CCSER1: variants seen among roughly 807,000 people sequenced by gnomAD.
CCSER1 encodes serine-rich coiled-coil domain-containing protein 1.
CCSER1 carries 41 observed loss-of-function variants against 82.0 expected under a neutral mutation model. The ratio of observed to expected loss-of-function variants is 0.50; its 90% CI spans 0.39 to 0.65. The LOEUF is 0.65. CCSER1 is among the 30% of genes least tolerant of loss of function. The probability of loss-of-function intolerance (pLI) is 0.00; values close to 1 mark genes in which losing one functional copy is unlikely to be tolerated. For synonymous variants in CCSER1, 414 were observed against 383.9 expected, an observed-to-expected ratio of 1.08 and a Z score of -0.92; for missense variants, 1,119 against 1,064.2, an observed-to-expected ratio of 1.05 and a Z score of -0.72.
intron 1 of CCSER1, among the ~76,000 whole-genome samples, chr4:90,153,728 G>A (rs936793231): frequency 6.6e-6 from 1 of 151,806 alleles, no homozygotes; most frequent in African/African-American, 2.4e-5. Context: ...CTTTTTGATG[G>A]GTTTATTTTT....
chr4:90,968,930 GA>G (rs1734826639), intron 9 of CCSER1, among the ~76,000 whole-genome samples: 4 of 151,352 alleles, frequency 2.6e-5, no homozygotes, highest in Non-Finnish European at 1.5e-5. Context: ...ACAAAAAGAA[GA>G]AAAACAATAT....
intron 8 of CCSER1, among the ~76,000 whole-genome samples, chr4:90,865,020 T>G (rs140455750): frequency 3.9e-3 from 598 of 152,152 alleles, no homozygotes; most frequent in Non-Finnish European, 6.3e-3. Flanking sequence ...ATAAGACCCT[T>G]AGGTTTTTGT....
intron 10 of CCSER1, among the ~76,000 whole-genome samples, chr4:91,244,721 G>A (rs1327206512): frequency 6.6e-6 from 1 of 152,110 alleles, no homozygotes; most frequent in African/African-American, 2.4e-5. Flanking sequence ...TCAATGCCCA[G>A]ATACCAATGA....
chr4:91,558,102 ATAAAAAAAATATATT>A (rs1309191756), intron 10 of CCSER1, among the ~76,000 whole-genome samples: 1 of 77,068 alleles, frequency 1.3e-5, no homozygotes, highest in Non-Finnish European at 2.5e-5. Flanking sequence ...TTACCTTTTA[ATAAAAAAAATATATT>A]TCATTATTTT....
Position 91,594,976 on chromosome 4 carries a change from A to AT in CCSER1, c.2218-3591dup, listed in dbSNP as rs200472616. Among the ~76,000 whole-genome samples, 369 of 152,062 alleles carry AT rather than the reference A, an allele frequency of 2.4e-3. 6 individuals are homozygous for AT. The East Asian group carries it at 0.051, about 21-fold the overall frequency. ...ATACACTTTCAAGACTGAAGTCTTAATTTTTCCTGTTGCTGAGAGTGTTGG... is the reference window on the plus strand; with the variant it reads ...ATACACTTTCAAGACTGAAGTCTTAATTTTTTCCTGTTGCTGAGAGTGTTGG... On this transcript the variant is annotated intron_variant, in intron 10 of 10. Coordinates refer to ENST00000509176, the MANE Select transcript of CCSER1 (RefSeq NM_001145065.2).
intron 5 of CCSER1, among the ~76,000 whole-genome samples, chr4:90,602,539 A>G (rs1038900129): frequency 3.9e-5 from 6 of 152,260 alleles, no homozygotes; most frequent in African/African-American, 7.2e-5. Context: ...TAATGTGTGC[A>G]TGGTATTCTG....
chr4:90,840,626 A>C (rs551206329), intron 8 of CCSER1, among the ~76,000 whole-genome samples: 1 of 152,364 alleles, frequency 6.6e-6, no homozygotes, highest in Admixed American at 6.5e-5. Context: ...AAAATGTTTC[A>C]TAGTTCATAT....
At position 91,030,607 on chromosome 4, in the gene CCSER1, G is replaced by A. The variant is rs956822404; in HGVS notation, c.2173-55343G>A. 2.8e-4 allele frequency among the ~76,000 whole-genome samples: 43 copies of A among 152,028 alleles called. 1 individual carries two copies. Among genetic ancestry groups the A allele is most frequent in the Non-Finnish European group, 1.8e-4 (12 of 68,004 alleles). ...GACCTTTTCAATCTATGATGAAAAAGGGAACAGGAGTTTGGTAAACTAAAA... is the reference window on the plus strand; with the variant it reads ...GACCTTTTCAATCTATGATGAAAAAAGGAACAGGAGTTTGGTAAACTAAAA... On this transcript the variant is annotated intron_variant, in intron 9 of 10. Coordinates refer to ENST00000509176, the MANE Select transcript of CCSER1 (RefSeq NM_001145065.2).
chr4:91,149,850 G>T (rs1339577512), intron 10 of CCSER1, among the ~76,000 whole-genome samples: 3 of 152,062 alleles, frequency 2.0e-5, no homozygotes, highest in Non-Finnish European at 2.9e-5. Flanking sequence ...CTCTGTTTTG[G>T]TACCAGTACC....
At chr4:90,813,902 C>T (rs1313280319) in intron 7 of CCSER1, among the ~76,000 whole-genome samples, 1 of 152,100 alleles carries the variant, frequency 6.6e-6, no homozygotes, top group Admixed American at 6.5e-5. Flanking sequence ...TAAGCAGTGC[C>T]CCAGTGGGGA....
chr4:90,952,471 A>T (rs1246578599), intron 9 of CCSER1, among the ~76,000 whole-genome samples: 1 of 152,062 alleles, frequency 6.6e-6, no homozygotes, highest in African/African-American at 2.4e-5. Context: ...CACCAGGTTA[A>T]TATTGCCAAG....
At chr4:91,340,561 T>C (rs1302855002) in intron 10 of CCSER1, among the ~76,000 whole-genome samples, 3 of 152,184 alleles carry the variant, frequency 2.0e-5, no homozygotes, top group Non-Finnish European at 4.4e-5. Context: ...CAGGAAATTG[T>C]GTTTTCATAT....
intron 5 of CCSER1, among the ~76,000 whole-genome samples, chr4:90,565,958 T>G (rs553914208): frequency 4.5e-4 from 69 of 151,964 alleles, no homozygotes; most frequent in Non-Finnish European, 8.4e-4. Flanking sequence ...CCTCCCGGGT[T>G]CAAGTGATTC....
intron 10 of CCSER1, among the ~76,000 whole-genome samples, chr4:91,141,374 ACTC>A (rs1162448882): frequency 6.6e-6 from 1 of 151,884 alleles, no homozygotes; most frequent in African/African-American, 2.4e-5. Context: ...GTGGTCTCGA[ACTC>A]CTGACCTCAG....
chr4:90,914,529 A>G (rs1356444688), intron 8 of CCSER1, among the ~76,000 whole-genome samples: 1 of 152,188 alleles, frequency 6.6e-6, no homozygotes, highest in Non-Finnish European at 1.5e-5. Context: ...CTAAATGCCC[A>G]CAAGAGAAAG....
At chr4:91,201,245 G>C (rs887362529) in intron 10 of CCSER1, among the ~76,000 whole-genome samples, 10 of 152,162 alleles carry the variant, frequency 6.6e-5, no homozygotes, top group African/African-American at 2.4e-4. Context: ...AATAGTACTG[G>C]AGCTGGCTGG....
At chr4:90,481,153 G>T (rs1176852942) in intron 5 of CCSER1, among the ~76,000 whole-genome samples, 2 of 152,128 alleles carry the variant, frequency 1.3e-5, no homozygotes, top group African/African-American at 4.8e-5. Flanking sequence ...ATGAATGGGA[G>T]TTCACTCATG....
chr4:91,385,530 T>G (rs1751230435), intron 10 of CCSER1, among the ~76,000 whole-genome samples: 1 of 151,918 alleles, frequency 6.6e-6, no homozygotes, highest in African/African-American at 2.4e-5. Context: ...GTTTATATAT[T>G]TAAAAAATTT....
chr4:90,158,292 G>A (rs1578241442), intron 1 of CCSER1, among the ~76,000 whole-genome samples: 1 of 152,294 alleles, frequency 6.6e-6, no homozygotes, highest in Non-Finnish European at 1.5e-5. Context: ...CCTACTGGGG[G>A]GTGCCTCCCA....
Sources: gnomAD v4.1 joint callset for allele counts (sites outside exome capture counted in the v4.1 genomes callset) on GRCh38, gnomAD v4.1.1 for gene constraint, MANE v1.5 for transcripts, NCBI Gene and HGNC (gene_info 2026-07-23, HGNC 2026-07-21) for gene names.